RPS17: variants seen among roughly 807,000 people sequenced by gnomAD.
The protein encoded by RPS17 is ribosomal protein S17.
For synonymous variants in RPS17, 75 were observed against 65.6 expected, an observed-to-expected ratio of 1.14 and a Z score of -0.70; for missense variants, 68 against 182.3, an observed-to-expected ratio of 0.37 and a Z score of 3.61.
intron 1 of RPS17, 70 bp downstream of exon 1, chr15:82,540,356 C>A (rs1595980009): frequency 6.3e-7 from 1 of 1,583,976 alleles, no homozygotes; most frequent in Non-Finnish European, 8.6e-7. Context: ...TCTCTGTGGG[C>A]TGAGGACCGC....
chr15:82,538,752 A>G, intron 3 of RPS17, 128 bp downstream of exon 3: 1 of 992,946 alleles, frequency 1.0e-6, no homozygotes, highest in Non-Finnish European at 1.6e-6. Flanking sequence ...GCCTATGGGC[A>G]CCCACAGCTG....
intron 1 of RPS17, 145 bp downstream of exon 1, chr15:82,540,281 T>C: frequency 1.3e-6 from 2 of 1,596,034 alleles, no homozygotes; most frequent in Non-Finnish European, 8.5e-7. Context: ...CCGGGCTTAA[T>C]GCGGAAGCCG....
In RPS17 at chr15:82,536,975, T is replaced by G. The variant is rs2034250419; in HGVS notation, c.328-94A>C. The G allele has an allele frequency of 2.0e-6, 3 of 1,494,998 alleles. No homozygotes were observed. The African/African-American group carries it at 4.1e-5, about 21-fold the overall frequency. 92.6% of individuals were successfully genotyped at this position (1,494,998 alleles called of 1,614,324 possible). A position where few individuals can be genotyped will look rare whatever the true frequency, so the allele number is the denominator to read the frequency against. ...ACAGGCCCCTAGAGCCACAGCACTC[T>G]CAAGGGGGTCCAGAGGCGACCTGAA... On this transcript the variant is annotated intron_variant, in intron 4 of 4. Transcript: ENST00000647841.
Position 82,536,815 on chromosome 15 carries a change from G to A in RPS17, c.394C>T (p.Arg132Trp). The A allele has an allele frequency of 6.2e-7, 1 of 1,613,952 alleles. No individual in the cohort carries two copies. The highest frequency in any genetic ancestry group is 8.5e-7 in the Non-Finnish European group (1 of 1,179,862). The change falls in exon 5 of 5, where the codon CGG (arginine) becomes TGG (tryptophan). Residue 132 changes from arginine to tryptophan, a missense_variant. Arg to Trp is a moderately radical substitution (Grantham distance 101). Transcript: ENST00000647841. ...PTVGMNFKTP[R>W]GPV ...ACAGAAAAAATTCAAACAGGTCCCC[G>A]AGGCGTTTTGAAATTCATCCCAACT...
At chr15:82,539,031 A>C in intron 2 of RPS17, 46 bp from the exon 3 acceptor site, 1 of 1,575,902 alleles carries the variant, frequency 6.3e-7, no homozygotes, top group Non-Finnish European at 8.7e-7. Context: ...AGACAAATCA[A>C]CTCCCACCTG....
Position 82,539,699 on chromosome 15 carries a change from G to GA in RPS17, c.155+281dup, listed in dbSNP as rs1406562460. On this transcript the variant is annotated intron_variant, in intron 2 of 4. Transcript: ENST00000647841. The stretch of plus-strand genomic sequence containing the variant: ...GCAAGATTCCGTCTCAAAAAAAAAA[G>GA]AAAAAAAAGAAAGAAAAAAGTTGAC... 1.6e-4 allele frequency: 92 copies of GA among 560,338 alleles called. 1 individual carries two copies. The highest frequency in any genetic ancestry group is 1.2e-3 in the South Asian group (60 of 49,112). 34.7% of individuals were successfully genotyped at this position (560,338 alleles called of 1,614,324 possible). A position where few individuals can be genotyped will look rare whatever the true frequency, so the allele number is the denominator to read the frequency against.
intron 2 of RPS17, chr15:82,539,391 T>G: frequency 2.2e-6 from 1 of 463,542 alleles, no homozygotes; most frequent in African/African-American, 2.0e-5. Context: ...AAGTAAGCAT[T>G]AGAAGTTGAC....
chr15:82,539,022 G>C lies in RPS17; in HGVS notation c.156-37C>G, dbSNP rs1335837048. 10 of 1,601,430 alleles carry C rather than the reference G, an allele frequency of 6.2e-6. No homozygotes were observed. In the Admixed American group the frequency reaches 1.2e-4, roughly 19 times the overall value. On this transcript the variant is annotated intron_variant, in intron 2 of 4. Coordinates refer to ENST00000647841, the MANE Select transcript of RPS17 (RefSeq NM_001021.6). ...ACACAGCCAAAGAGAACAGTGAGAA[G>C]ACAAATCAACTCCCACCTGGTACTG...
intron 3 of RPS17, 117 bp from the exon 4 acceptor site, chr15:82,538,488 C>G: frequency 8.4e-7 from 1 of 1,186,882 alleles, no homozygotes; most frequent in East Asian, 2.4e-5. Context: ...GGATAGCATT[C>G]CTCTCACAAG....
intron 2 of RPS17, 111 bp downstream of exon 2, chr15:82,539,870 G>A (rs1476562823): frequency 2.4e-5 from 37 of 1,537,180 alleles, no homozygotes; most frequent in South Asian, 1.0e-4. Flanking sequence ...GGGACACCAG[G>A]GAGTCTCAGG....
intron 3 of RPS17, chr15:82,538,589 A>C (rs2034281823): frequency 5.9e-6 from 4 of 679,046 alleles, no homozygotes; most frequent in Non-Finnish European, 1.1e-5. Context: ...AGAACACTTG[A>C]AGTCTGTGTT....
At chr15:82,539,753 G>C (rs992681489) in intron 2 of RPS17, 2 of 695,860 alleles carry the variant, frequency 2.9e-6, no homozygotes, top group South Asian at 3.4e-5. Context: ...TTCAAAGCAA[G>C]AGGTCTGACG....
intron 1 of RPS17, 60 bp from the exon 2 acceptor site, chr15:82,540,192 G>A (rs2034322741): frequency 6.2e-7 from 1 of 1,613,058 alleles, no homozygotes. Context: ...GAAGAGTGCG[G>A]CGCCGAGCCC....
chr15:82,539,922 G>A, intron 2 of RPS17, 59 bp downstream of exon 2: 3 of 1,611,772 alleles, frequency 1.9e-6, no homozygotes, highest in South Asian at 2.2e-5. Flanking sequence ...CGAGTCGGAG[G>A]GCGGCAGAGC....
chr15:82,537,392 T>C lies in RPS17; in HGVS notation c.328-511A>G, dbSNP rs1000298418. 1,375 of 267,038 alleles carry C rather than the reference T, an allele frequency of 5.1e-3. 48 individuals carry two copies. The South Asian group carries it at 0.058, about 11-fold the overall frequency. 16.5% of individuals were successfully genotyped at this position (267,038 alleles called of 1,614,324 possible). A position where few individuals can be genotyped will look rare whatever the true frequency, so the allele number is the denominator to read the frequency against. ...TCCCTTTGAGAATACACAGTGCCAC[T>C]TGCTTTCCAGGACCAGCCCTGGGTA... On this transcript the variant is annotated intron_variant, in intron 4 of 4. Coordinates refer to ENST00000647841, the MANE Select transcript of RPS17 (RefSeq NM_001021.6).
rs2034289587 is a variant in RPS17 at position 82,538,977 on chromosome 15, G to C, written c.164C>G (p.Thr55Arg). 2 of 1,613,918 alleles carry C rather than the reference G, an allele frequency of 1.2e-6. No individual in the cohort carries two copies. The highest frequency in any genetic ancestry group is 1.1e-5 in the South Asian group (1 of 91,064). Residue 55 changes from threonine (T) to arginine (R), a missense_variant, in exon 3 of 5, where the codon ACG (threonine) becomes AGG (arginine). Transcript: ENST00000647841. ...TCTCTGAATTCGCTTCATCAGATGCGTGACATAACTACAAAGCACACACAG... is the reference window on the plus strand; with the variant it reads ...TCTCTGAATTCGCTTCATCAGATGCCTGACATAACTACAAAGCACACACAG... ...KLRNKIAGYV[T>R]HLMKRIQRGP...
chr15:82,536,757 T>C lies in RPS17; in HGVS notation c.*44A>G. 23 of 1,610,042 alleles carry C rather than the reference T, an allele frequency of 1.4e-5. No individual in the cohort carries two copies. Among genetic ancestry groups the C allele is most frequent in the Non-Finnish European group, 2.0e-5 (23 of 1,176,264 alleles). On this transcript the variant is annotated 3_prime_UTR_variant, in exon 5 of 5. Coordinates refer to ENST00000647841, the MANE Select transcript of RPS17 (RefSeq NM_001021.6). ...TGCAAAGATGACACAGGCAAGGCTG[T>C]TGTCCCAGATTTATTGAAAATAATA... is the stretch of plus-strand genomic sequence containing the variant.
In RPS17 at chr15:82,538,348, A is replaced by G; in HGVS notation, c.285T>C (p.Ile95=). The change falls in exon 4 of 5, where the codon ATT becomes ATC. Residue 95 remains isoleucine (I), a synonymous_variant. Coordinates refer to ENST00000647841, the MANE Select transcript of RPS17 (RefSeq NM_001021.6). ...CCTTAGTGTCAGGATCTACTTCAAT[A>G]ATCTCCTGATCCAAGGCTGAGACCT... is the stretch of plus-strand genomic sequence containing the variant. ...VPEVSALDQE[I]IEVDPDTKEM... The G allele has an allele frequency of 1.2e-6, 2 of 1,612,692 alleles. No individual in the cohort carries two copies. Among genetic ancestry groups the G allele is most frequent in the Non-Finnish European group, 1.7e-6 (2 of 1,179,808 alleles).
chr15:82,539,932 C>T, intron 2 of RPS17, 49 bp downstream of exon 2: 1 of 1,612,018 alleles, frequency 6.2e-7, no homozygotes, highest in Non-Finnish European at 8.5e-7. Flanking sequence ...GGCGGCAGAG[C>T]ACACAAACAG....
Sources: allele counts gnomAD v4.1 joint callset, GRCh38; gene constraint gnomAD v4.1.1; transcripts MANE v1.5; gene names NCBI Gene and HGNC (gene_info 2026-07-23, HGNC 2026-07-21).